The following ARMC6 variants were observed in gnomAD, a reference collection of about 807,000 sequenced individuals.
ARMC6 encodes armadillo repeat containing 6.
In ARMC6, 43 loss-of-function variants were observed where a neutral mutation model predicts 49.2. The ratio of observed to expected loss-of-function variants is 0.87; its 90% CI spans 0.69 to 1.13. The LOEUF (loss-of-function observed/expected upper bound fraction) is 1.13. Among genes scored for constraint, ARMC6 ranks in the 50% most tolerant of loss-of-function variants. The pLI is 0.00. For synonymous variants in ARMC6, 262 were observed against 289.6 expected (o/e 0.90, Z 0.97); for missense variants, 627 against 682.0 (o/e 0.92, Z 0.90).
chr19:19,039,303 T>C (rs1333948251), intron 2 of ARMC6: 1 of 440,858 alleles, frequency 2.3e-6, no homozygotes, highest in Non-Finnish European at 4.6e-6. Flanking sequence ...CCTGACTATA[T>C]TTTTAAATTT....
At chr19:19,045,118 C>A (rs2059438730) in intron 4 of ARMC6, among the ~76,000 whole-genome samples, 1 of 152,262 alleles carries the variant, frequency 6.6e-6, no homozygotes, top group East Asian at 1.9e-4. Context: ...TCAAGTGATT[C>A]TCCTGCCTCA....
In ARMC6 at chr19:19,042,894, G is replaced by C. The variant is rs770666397; in HGVS notation, c.196+17G>C. Reference sequence around the variant, plus strand: ...AATCGCAAGGTAGGGTGGTGTGACTGTCACCTACCATCCTTGGCTCTTAGA... The same window carrying C: ...AATCGCAAGGTAGGGTGGTGTGACTCTCACCTACCATCCTTGGCTCTTAGA... On this transcript the variant is annotated intron_variant, in intron 3 of 8. Transcript: ENST00000535612. 5 of 1,612,824 alleles carry C rather than the reference G, an allele frequency of 3.1e-6. No homozygotes were observed. The highest frequency in any genetic ancestry group is 4.2e-6 in the Non-Finnish European group (5 of 1,179,692).
At chr19:19,057,131 G>T (rs1003762188) in intron 8 of ARMC6, among the ~76,000 whole-genome samples, 2 of 152,202 alleles carry the variant, frequency 1.3e-5, no homozygotes, top group Non-Finnish European at 2.9e-5. Flanking sequence ...TGCCAGCCTC[G>T]GGGGACCTCA....
Position 19,051,784 on chromosome 19 carries a change from A to G in ARMC6, c.442A>G (p.Thr148Ala). Residue 148 changes from threonine (T) to alanine (A), a missense_variant, in exon 5 of 9, where the codon ACT becomes GCT. Coordinates refer to ENST00000535612, the MANE Select transcript of ARMC6 (RefSeq NM_001199196.2). Reference sequence around the variant, plus strand: ...CATCTTCACTGCCTGGAAGCTGGCCACTGCAGGTGACCAGGGCCTTCTGCT... The same window carrying G: ...CATCTTCACTGCCTGGAAGCTGGCCGCTGCAGGTGACCAGGGCCTTCTGCT... ...PIIFTAWKLA[T>A]AGDQGLLLQS... 1.2e-6 allele frequency: 2 copies of G among 1,614,054 alleles called. No individual in the cohort carries two copies. The highest frequency in any genetic ancestry group is 1.7e-6 in the Non-Finnish European group (2 of 1,180,020).
At chr19:19,045,467 T>C (rs1456076354) in intron 4 of ARMC6, among the ~76,000 whole-genome samples, 1 of 146,712 alleles carries the variant, frequency 6.8e-6, no homozygotes, top group Non-Finnish European at 1.5e-5. Flanking sequence ...TAAGTACTTC[T>C]TAAGTGCTCA....
intron 2 of ARMC6, among the ~76,000 whole-genome samples, chr19:19,038,791 A>G (rs1040355462): frequency 1.3e-5 from 2 of 152,008 alleles, no homozygotes; most frequent in Non-Finnish European, 2.9e-5. Context: ...TCCTGACCTC[A>G]GGTGATCTGC....
chr19:19,043,531 G>T (rs966923366), intron 3 of ARMC6, among the ~76,000 whole-genome samples: 1 of 152,184 alleles, frequency 6.6e-6, no homozygotes, highest in Non-Finnish European at 1.5e-5. Context: ...GGCACAGAGT[G>T]GGGTATAGAA....
intron 2 of ARMC6, chr19:19,037,475 T>G: frequency 2.7e-6 from 1 of 374,652 alleles, no homozygotes; most frequent in Non-Finnish European, 5.2e-6. Flanking sequence ...CTCCCTGGGC[T>G]CCCACCTCAG....
At position 19,057,558 on chromosome 19, in the gene ARMC6, T is replaced by C. The variant is rs1473886357; in HGVS notation, c.1436T>C (p.Leu479Pro). The C allele has an allele frequency of 1.9e-6, 3 of 1,613,022 alleles. No homozygotes were observed. The highest frequency in any genetic ancestry group is 1.1e-5 in the South Asian group (1 of 91,048). The change falls in exon 9 of 9, where the codon CTG becomes CCG. Residue 479 changes from leucine (L) to proline (P), a missense_variant. Physicochemically the swap from Leu to Pro is moderately conservative, Grantham distance 98. Transcript: ENST00000535612. Reference protein sequence around the residue: ...RDCEDVAKAALRDLGCHVELR... With the variant: ...RDCEDVAKAAPRDLGCHVELR... ...TGTGAGGACGTGGCCAAGGCCGCCCTGCGGGACCTGGGTTGTCATGTCGAG... is the reference window on the plus strand; with the variant it reads ...TGTGAGGACGTGGCCAAGGCCGCCCCGCGGGACCTGGGTTGTCATGTCGAG...
At position 19,034,031 on chromosome 19, in the gene ARMC6, A is replaced by G. The variant is rs920654781; in HGVS notation, c.-79-100A>G. 91 of 119,604 alleles carry G rather than the reference A, an allele frequency of 7.6e-4. 1 individual carries two copies. Among genetic ancestry groups the G allele is most frequent in the East Asian group, 5.9e-3 (24 of 4,082 alleles). The allele number at this position is 119,604 out of a possible 1,614,324, so 7.4% of individuals were successfully genotyped here. A position where few individuals can be genotyped will look rare whatever the true frequency, so the allele number is the denominator to read the frequency against. On this transcript the variant is annotated intron_variant, in intron 1 of 8. Transcript: ENST00000535612. ...ACCCTCGGGTACGTGGTTTGGGGGG[A>G]AAAAAAAAATGAAAGAATTTTACAG... is the stretch of plus-strand genomic sequence containing the variant.
chr19:19,037,699 A>G, intron 2 of ARMC6: 2 of 1,148,632 alleles, frequency 1.7e-6, no homozygotes, highest in Non-Finnish European at 2.2e-6. Context: ...TATTACTGCA[A>G]TAAGCAAGGT....
At chr19:19,046,219 CAG>C (rs1321780660) in intron 4 of ARMC6, among the ~76,000 whole-genome samples, 4 of 151,908 alleles carry the variant, frequency 2.6e-5, no homozygotes, top group Non-Finnish European at 5.9e-5. Context: ...TTTATTGAGA[CAG>C]AGTCTCGCTC....
intron 2 of ARMC6, among the ~76,000 whole-genome samples, chr19:19,039,861 G>A (rs1306673487): frequency 6.6e-6 from 1 of 152,138 alleles, no homozygotes; most frequent in African/African-American, 2.4e-5. Flanking sequence ...TCCTCTAGTT[G>A]ACATTCTCTT....
intron 4 of ARMC6, among the ~76,000 whole-genome samples, chr19:19,050,845 C>G (rs1010622078): frequency 6.6e-6 from 1 of 152,198 alleles, no homozygotes; most frequent in Admixed American, 6.5e-5. Context: ...TAGAACCACC[C>G]TGATTCAGTC....
At position 19,033,605 on chromosome 19, in the gene ARMC6, G is replaced by C. The variant is rs10422238; in HGVS notation, c.-405G>C. On this transcript the variant is annotated 5_prime_UTR_variant, in exon 1 of 9. Coordinates refer to ENST00000535612, the MANE Select transcript of ARMC6 (RefSeq NM_001199196.2). ...CTGGTGCGCAGGCGCGGGCCGCCGC[G>C]GCCCGGCTCTCTTGCGCAAGCGCGC... 31 of 1,179,440 alleles carry C rather than the reference G, an allele frequency of 2.6e-5. No individual in the cohort carries two copies. In the African/African-American group the frequency reaches 5.0e-4, roughly 19 times the overall value. The allele number at this position is 1,179,440 out of a possible 1,614,324, so 73.1% of individuals were successfully genotyped here.
chr19:19,051,574 G>A, intron 4 of ARMC6, 48 bp from the exon 5 acceptor site: 1 of 1,506,170 alleles, frequency 6.6e-7, no homozygotes, highest in South Asian at 1.3e-5. Flanking sequence ...TGTGGCCATG[G>A]GTTCCTCTTG....
chr19:19,043,992 G>T lies in ARMC6; in HGVS notation c.197G>T (p.Gly66Val). ...KEAVEQFESQGVDLSNIVKTA... is the reference protein window; with the variant it reads ...KEAVEQFESQVVDLSNIVKTA... The stretch of plus-strand genomic sequence containing the variant: ...TGCTTGCTTCCCCCACCCCCAACAG[G>T]GGTTGATCTGAGCAACATTGTAAAG... The change falls in exon 4 of 9, where the codon GGG becomes GTG. Residue 66 changes from glycine to valine, a missense_variant and splice_region_variant. By Grantham distance (109) the Gly-to-Val change is moderately radical. Transcript: ENST00000535612. 1 of 1,613,958 alleles carries T rather than the reference G, an allele frequency of 6.2e-7. No homozygotes were observed. The highest frequency in any genetic ancestry group is 8.5e-7 in the Non-Finnish European group (1 of 1,179,878).
chr19:19,044,109 TCACCTCTGTCTGGGGG>T, intron 4 of ARMC6, 35 bp downstream of exon 4: 1 of 1,582,808 alleles, frequency 6.3e-7, no homozygotes, highest in Non-Finnish European at 8.7e-7. Context: ...AGGTCCTGCG[TCACCTCTGTCTGGGGG>T]CACCTCTTCC....
Position 19,045,493 on chromosome 19 carries a change from C to CTTTTTT in ARMC6, c.279+1425_279+1430dup, listed in dbSNP as rs11270900. Among the ~76,000 whole-genome samples, 18 of 89,130 alleles carry CTTTTTT rather than the reference C, an allele frequency of 2.0e-4. 2 individuals carry two copies. Among genetic ancestry groups the CTTTTTT allele is most frequent in the Middle Eastern group, 9.3e-3 (1 of 108 alleles). 58.5% of individuals were successfully genotyped at this position (89,130 alleles called of 152,430 possible). A position where few individuals can be genotyped will look rare whatever the true frequency, so the allele number is the denominator to read the frequency against. ...TAAGTGCTCAGCATTATGCTAAATT[C>CTTTTTT]TTTTTTTTTTTGAGACAAGAGTCTC... On this transcript the variant is annotated intron_variant, in intron 4 of 8. Transcript: ENST00000535612.
Sources: allele counts gnomAD v4.1 joint callset (sites outside exome capture counted in the v4.1 genomes callset), GRCh38; gene constraint gnomAD v4.1.1; transcripts MANE v1.5; gene names NCBI Gene and HGNC (gene_info 2026-07-23, HGNC 2026-07-21).